Variants in LEMD1 observed in about 807,000 individuals in gnomAD.
LEMD1 encodes LEM domain-containing protein 1.
LEMD1 carries 18 observed loss-of-function variants against 17.4 expected under a neutral mutation model. That is an observed-to-expected ratio of 1.04 (90% CI 0.72 to 1.54). The LOEUF (loss-of-function observed/expected upper bound fraction) is 1.54. LEMD1 is among the 40% of genes most tolerant of loss of function. The pLI, the probability that LEMD1 is intolerant of heterozygous loss-of-function variation, is 0.00. For synonymous variants in LEMD1, 88 were observed against 77.8 expected (o/e 1.13, Z -0.69); for missense variants, 195 against 210.4 (o/e 0.93, Z 0.45).
chr1:205,443,150 G>C (rs1393095527), intron 1 of LEMD1, among the ~76,000 whole-genome samples: 1 of 152,152 alleles, frequency 6.6e-6, no homozygotes, highest in Admixed American at 6.5e-5. Flanking sequence ...GCAGTCCCAT[G>C]ATTATTGAAA....
chr1:205,444,356 T>G (rs547693511), intron 1 of LEMD1, among the ~76,000 whole-genome samples: 1 of 152,132 alleles, frequency 6.6e-6, no homozygotes, highest in East Asian at 1.9e-4. Context: ...GTTTACGGTC[T>G]GGGGGCACAG....
At chr1:205,398,131 G>A (rs1342345236) in intron 4 of LEMD1, among the ~76,000 whole-genome samples, 1 of 152,192 alleles carries the variant, frequency 6.6e-6, no homozygotes, top group African/African-American at 2.4e-5. Flanking sequence ...GCATTTAGCA[G>A]CTCCCTTAGC....
chr1:205,419,270 G>T lies in LEMD1; in HGVS notation c.165C>A (p.Pro55=). Residue 55 remains proline, a synonymous_variant, in exon 3 of 6, where the codon CCC becomes CCA. Transcript: ENST00000367153. ...PPCAPPVMNG[P]RELDGAQDSD... is the part of the protein sequence containing the mutation. ...TGTCCTGCGCTCCATCCAGCTCTCTGGGTCCATTCATCACAGGTGGTGCAC... is the reference window on the plus strand; with the variant it reads ...TGTCCTGCGCTCCATCCAGCTCTCTTGGTCCATTCATCACAGGTGGTGCAC... 6.2e-7 allele frequency: 1 copy of T among 1,614,196 alleles called. No homozygotes were observed.
intron 3 of LEMD1, among the ~76,000 whole-genome samples, 174 bp downstream of exon 3, chr1:205,419,056 G>A (rs1665830626): frequency 6.6e-6 from 1 of 152,244 alleles, no homozygotes; most frequent in Non-Finnish European, 1.5e-5. Context: ...CAGATGTGAA[G>A]TTAACAGATT....
At chr1:205,400,843 T>TCCCCCCCCCCC (rs58251224) in intron 4 of LEMD1, among the ~76,000 whole-genome samples, 21 of 79,710 alleles carry the variant, frequency 2.6e-4, no homozygotes, top group South Asian at 7.4e-4. Context: ...ATGCTATCCC[T>TCCCCCCCCCCC]CCCCCCCCCC....
In LEMD1 at chr1:205,444,815, C is replaced by A. The variant is rs542810233; in HGVS notation, c.-39+5053G>T. On this transcript the variant is annotated intron_variant, in intron 1 of 3. Coordinates refer to the LEMD1 transcript ENST00000367154. ...ACAAGAAGAGGGATATTGCGCCCCCCACGACCCATCCCTTCATCTCCCAAG... is the reference window on the plus strand; with the variant it reads ...ACAAGAAGAGGGATATTGCGCCCCCAACGACCCATCCCTTCATCTCCCAAG... 3.3e-5 allele frequency among the ~76,000 whole-genome samples: 5 copies of A among 152,148 alleles called. No homozygotes were observed. The East Asian group carries it at 9.7e-4, about 29-fold the overall frequency.
chr1:205,433,862 C>T (rs201325401), intron 1 of LEMD1, among the ~76,000 whole-genome samples: 6 of 152,188 alleles, frequency 3.9e-5, no homozygotes, highest in Non-Finnish European at 7.3e-5. Flanking sequence ...ACTTGAGTCT[C>T]GTCTTGGCCC....
chr1:205,442,163 G>A (rs1005142023), intron 1 of LEMD1, among the ~76,000 whole-genome samples: 4 of 152,244 alleles, frequency 2.6e-5, no homozygotes, highest in Non-Finnish European at 4.4e-5. Context: ...AGGTCAGGCC[G>A]GGGCCTGGTC....
intron 4 of LEMD1, among the ~76,000 whole-genome samples, chr1:205,413,587 C>CTTTT (rs781477988): frequency 1.4e-5 from 1 of 72,502 alleles, no homozygotes; most frequent in Non-Finnish European, 2.4e-5. Context: ...CCATGCCCAA[C>CTTTT]TTTTTTTTTT....
chr1:205,422,884 G>C (rs1192670913), upstream of LEMD1, among the ~76,000 whole-genome samples: 2 of 152,196 alleles, frequency 1.3e-5, no homozygotes, highest in African/African-American at 4.8e-5. Context: ...CATCAGGTAA[G>C]TTACTAACTT....
upstream of LEMD1, among the ~76,000 whole-genome samples, chr1:205,427,021 C>T (rs114500686): frequency 6.6e-6 from 1 of 151,996 alleles, no homozygotes; most frequent in Non-Finnish European, 1.5e-5. Flanking sequence ...CCCCAGGGAA[C>T]CTTAAGAGGC....
At chr1:205,430,858 A>C (rs1666116385) in intron 1 of LEMD1, among the ~76,000 whole-genome samples, 1 of 152,248 alleles carries the variant, frequency 6.6e-6, no homozygotes, top group Non-Finnish European at 1.5e-5. Context: ...AACTCGACTT[A>C]AAAATAACTA....
intron 4 of LEMD1, among the ~76,000 whole-genome samples, chr1:205,410,515 G>T (rs149092873): frequency 2.4e-3 from 372 of 152,296 alleles, no homozygotes; most frequent in African/African-American, 8.5e-3. Flanking sequence ...TAGGAAGTCA[G>T]AAAGAGAAAG....
chr1:205,391,024 A>G (rs2102354263), intron 4 of LEMD1, among the ~76,000 whole-genome samples: 1 of 150,244 alleles, frequency 6.7e-6, no homozygotes, highest in Admixed American at 6.7e-5. Flanking sequence ...ATACCTGTGT[A>G]ATACCTGTGT....
chr1:205,388,499 A>G (rs1044103722), intron 4 of LEMD1, among the ~76,000 whole-genome samples: 4 of 152,108 alleles, frequency 2.6e-5, no homozygotes, highest in African/African-American at 9.7e-5. Context: ...AATTCACTTA[A>G]TCTTTCTAAC....
chr1:205,384,661 TC>T (rs551139635), intron 4 of LEMD1, among the ~76,000 whole-genome samples: 3 of 152,346 alleles, frequency 2.0e-5, no homozygotes, highest in Admixed American at 2.0e-4. Context: ...CTATTTTGCT[TC>T]TTTATTTGTA....
At chr1:205,395,370 G>A (rs368634447) in intron 4 of LEMD1, among the ~76,000 whole-genome samples, 9 of 152,016 alleles carry the variant, frequency 5.9e-5, no homozygotes, top group African/African-American at 1.9e-4. Flanking sequence ...TGAGGTGGGC[G>A]GATCATCTGA....
chr1:205,447,028 T>C (rs1371346639), intron 1 of LEMD1, among the ~76,000 whole-genome samples: 1 of 152,202 alleles, frequency 6.6e-6, no homozygotes, highest in Non-Finnish European at 1.5e-5. Flanking sequence ...GTGCATCCAA[T>C]AGAGATCTCG....
In LEMD1 at chr1:205,420,574, C is replaced by T; in HGVS notation, c.-38G>A. 1.4e-6 allele frequency: 2 copies of T among 1,449,126 alleles called. No homozygotes were observed. The highest frequency in any genetic ancestry group is 1.9e-6 in the Non-Finnish European group (2 of 1,030,044). The allele number at this position is 1,449,126 out of a possible 1,614,324, so 89.8% of individuals were successfully genotyped here. A position where few individuals can be genotyped will look rare whatever the true frequency, so the allele number is the denominator to read the frequency against. ...TTGGCCTCTTTTCTGATGGTAGAAT[C>T]CTTGAAATAACAAAACATTAAATTC... On this transcript the variant is annotated splice_region_variant and 5_prime_UTR_variant, in exon 2 of 6. Coordinates refer to ENST00000367153, the MANE Select transcript of LEMD1 (RefSeq NM_001199050.2).
Sources: gnomAD v4.1 joint callset for allele counts (sites outside exome capture counted in the v4.1 genomes callset) on GRCh38, gnomAD v4.1.1 for gene constraint, MANE v1.5 for transcripts, NCBI Gene and HGNC (gene_info 2026-07-23, HGNC 2026-07-21) for gene names.